Variants in CDH11 observed in about 807,000 individuals in gnomAD.
The protein encoded by CDH11 is cadherin-11.
In CDH11, 11 loss-of-function variants were observed where a neutral mutation model predicts 67.8. The ratio of observed to expected loss-of-function variants is 0.16; its 90% CI spans 0.10 to 0.27. The LOEUF (loss-of-function observed/expected upper bound fraction) is 0.27, where lower values mean the gene tolerates loss of function less well. CDH11 is among the 10% of genes least tolerant of loss of function. The pLI, the probability that CDH11 is intolerant of heterozygous loss-of-function variation, is 1.00. For missense variants in CDH11, 847 were observed against 1,031.2 expected (o/e 0.82, Z 2.45); for synonymous variants, 419 against 400.0 (o/e 1.05, Z -0.57).
chr16:65,114,290 T>G (rs991959088), intron 1 of CDH11, among the ~76,000 whole-genome samples: 2 of 152,118 alleles, frequency 1.3e-5, no homozygotes, highest in African/African-American at 4.8e-5. Context: ...TTGTAGGAGC[T>G]GAGGATTGAG....
intron 4 of CDH11, among the ~76,000 whole-genome samples, chr16:64,996,856 G>A (rs2072780416): frequency 6.6e-6 from 1 of 152,158 alleles, no homozygotes; most frequent in Admixed American, 6.5e-5. Flanking sequence ...TGTTTACCCA[G>A]TGGGAATAAT....
chr16:65,064,574 T>C (rs2074283980), intron 1 of CDH11, among the ~76,000 whole-genome samples: 1 of 152,206 alleles, frequency 6.6e-6, no homozygotes, highest in South Asian at 2.1e-4. Context: ...CAATTCTTTC[T>C]CAGTCCTGAT....
At chr16:65,066,236 G>A (rs1732254209) in intron 1 of CDH11, among the ~76,000 whole-genome samples, 1 of 152,042 alleles carries the variant, frequency 6.6e-6, no homozygotes, top group African/African-American at 2.4e-5. Flanking sequence ...ACTTATCCTT[G>A]TCTTTTAAGG....
intron 1 of CDH11, among the ~76,000 whole-genome samples, chr16:65,059,913 A>G (rs2074209303): frequency 6.6e-6 from 1 of 152,334 alleles, no homozygotes; most frequent in African/African-American, 2.4e-5. Context: ...CATATGAGCA[A>G]ACCTCCTACT....
intron 2 of CDH11, among the ~76,000 whole-genome samples, chr16:65,005,446 C>T (rs554456583): frequency 6.6e-6 from 1 of 152,242 alleles, no homozygotes; most frequent in East Asian, 1.9e-4. Context: ...TGGACTCAAT[C>T]CTTTAGTGAG....
intron 2 of CDH11, 33 bp downstream of exon 2, chr16:65,053,771 T>A (rs779607250): frequency 2.2e-6 from 1 of 455,602 alleles, no homozygotes; most frequent in East Asian, 6.9e-5. Flanking sequence ...CATAGTAATA[T>A]GTGAATTGTT....
intron 1 of CDH11, among the ~76,000 whole-genome samples, chr16:65,081,415 A>G (rs2074607594): frequency 6.6e-6 from 1 of 152,090 alleles, no homozygotes; most frequent in South Asian, 2.1e-4. Flanking sequence ...AAAAATACAA[A>G]AAAATTAGCC....
rs535277534 is a variant in CDH11, at chr16:65,001,936, C to A, written c.228+2706G>T. Among the ~76,000 whole-genome samples the A allele has an allele frequency of 3.3e-5, 5 of 152,280 alleles. No homozygotes were observed. The South Asian group carries it at 1.0e-3, about 32-fold the overall frequency. ...TCTGCATAGCACAGCATGACACAGG[C>A]TGTATTTCCACAAGAAATCTGAAAG... On this transcript the variant is annotated intron_variant, in intron 3 of 12. Transcript: ENST00000268603.
At chr16:64,986,714 C>T (rs1418699385) in intron 7 of CDH11, 1 of 152,086 alleles carries the variant, frequency 6.6e-6, no homozygotes, top group East Asian at 1.9e-4. Flanking sequence ...TCGGTCCTAC[C>T]ATTCATCCAT....
Position 64,946,663 on chromosome 16 carries a change from G to C in CDH11, c.*940C>G, listed in dbSNP as rs2071203407. The stretch of plus-strand genomic sequence containing the variant: ...TTTTAAATAAACAATAAAAGCAGCA[G>C]ACAGACAACAACAGATCATAAATAG... On this transcript the variant is annotated 3_prime_UTR_variant, in exon 13 of 13. Transcript: ENST00000268603. 4.1e-6 allele frequency: 4 copies of C among 981,794 alleles called. No homozygotes were observed. The highest frequency in any genetic ancestry group is 4.9e-6 in the Non-Finnish European group (4 of 813,390). 60.8% of individuals were successfully genotyped at this position (981,794 alleles called of 1,614,324 possible). A position where few individuals can be genotyped will look rare whatever the true frequency, so the allele number is the denominator to read the frequency against.
intron 1 of CDH11, among the ~76,000 whole-genome samples, chr16:65,064,256 A>T (rs1301722471): frequency 1.3e-5 from 2 of 152,226 alleles, no homozygotes; most frequent in Non-Finnish European, 2.9e-5. Flanking sequence ...CTGCAAGCTG[A>T]TTCCTGTTTG....
intron 1 of CDH11, among the ~76,000 whole-genome samples, chr16:65,116,526 T>C (rs1168205365): frequency 1.3e-5 from 2 of 152,204 alleles, no homozygotes; most frequent in Admixed American, 1.3e-4. Context: ...GGAGGATTTC[T>C]GGCAAATAAG....
Position 64,946,044 on chromosome 16 carries a change from G to A in CDH11, c.*1559C>T. 4 of 1,058,878 alleles carry A rather than the reference G, an allele frequency of 3.8e-6. 1 individual carries two copies. The highest frequency in any genetic ancestry group is 9.1e-5 in the South Asian group (2 of 21,898). The allele number at this position is 1,058,878 out of a possible 1,614,324, so 65.6% of individuals were successfully genotyped here. Reference sequence around the variant, plus strand: ...CCCAAGAAACTAGCTGGAATGCAGGGGACTGTAGACACACTCCTGGACCAA... The same window carrying A: ...CCCAAGAAACTAGCTGGAATGCAGGAGACTGTAGACACACTCCTGGACCAA... On this transcript the variant is annotated 3_prime_UTR_variant, in exon 13 of 13. Transcript: ENST00000268603.
intron 5 of CDH11, 37 bp from the exon 6 acceptor site, chr16:64,991,972 T>G (rs753763724): frequency 6.8e-7 from 1 of 1,468,880 alleles, no homozygotes; most frequent in East Asian, 2.3e-5. Context: ...AGATATTCGT[T>G]TATAACATTA....
intron 2 of CDH11, among the ~76,000 whole-genome samples, chr16:65,020,598 G>A (rs1266299540): frequency 6.6e-6 from 1 of 152,116 alleles, no homozygotes; most frequent in Non-Finnish European, 1.5e-5. Context: ...TCAAAGTGTT[G>A]GGATTACAGG....
intron 4 of CDH11, among the ~76,000 whole-genome samples, chr16:64,993,614 A>G (rs552554045): frequency 3.3e-5 from 5 of 152,306 alleles, no homozygotes; most frequent in African/African-American, 9.6e-5. Context: ...TCCCACCTGT[A>G]GCTGGTCTGG....
chr16:65,010,932 A>T (rs1226675837), intron 2 of CDH11, among the ~76,000 whole-genome samples: 1 of 143,590 alleles, frequency 7.0e-6, no homozygotes, highest in Non-Finnish European at 1.5e-5. Flanking sequence ...TTTTCACCAC[A>T]ACTGCATATA....
rs988856992 is a variant in CDH11 at position 64,943,800 on chromosome 16, G to A, written c.*3803C>T. 13 of 214,296 alleles carry A rather than the reference G, an allele frequency of 6.1e-5. No homozygotes were observed. Among genetic ancestry groups the A allele is most frequent in the African/African-American group, 1.4e-4 (6 of 44,256 alleles). 13.3% of individuals were successfully genotyped at this position (214,296 alleles called of 1,614,324 possible). A position where few individuals can be genotyped will look rare whatever the true frequency, so the allele number is the denominator to read the frequency against. On this transcript the variant is annotated 3_prime_UTR_variant, in exon 13 of 13. Coordinates refer to ENST00000268603, the MANE Select transcript of CDH11 (RefSeq NM_001797.4). ...TTATTGTGTACCTGTTATGTTTCAG[G>A]CACTGTGTAAAGAACTGAGTATACA... is the stretch of plus-strand genomic sequence containing the variant.
Position 64,947,344 on chromosome 16 carries a change from A to T in CDH11, c.*259T>A. 1 of 1,249,816 alleles carries T rather than the reference A, an allele frequency of 8.0e-7. No homozygotes were observed. Among genetic ancestry groups the T allele is most frequent in the Admixed American group, 3.9e-5 (1 of 25,890 alleles). The allele number at this position is 1,249,816 out of a possible 1,614,324, so 77.4% of individuals were successfully genotyped here. On this transcript the variant is annotated 3_prime_UTR_variant, in exon 13 of 13. Transcript: ENST00000268603. ...CAGCGTTAGACTTCTCCTTCACTTAAATATTTTGTATGCCAAGTGTTTTTT... is the reference window on the plus strand; with the variant it reads ...CAGCGTTAGACTTCTCCTTCACTTATATATTTTGTATGCCAAGTGTTTTTT...
Sources: gnomAD v4.1 joint callset for allele counts (sites outside exome capture counted in the v4.1 genomes callset) on GRCh38, gnomAD v4.1.1 for gene constraint, MANE v1.5 for transcripts, NCBI Gene and HGNC (gene_info 2026-07-23, HGNC 2026-07-21) for gene names.